Variants in ST3GAL3 observed in about 807,000 individuals in gnomAD.
The protein encoded by ST3GAL3 is CMP-N-acetylneuraminate-beta-1,4-galactoside alpha-2,3-sialyltransferase.
ST3GAL3 carries 21 observed loss-of-function variants against 50.1 expected under a neutral mutation model. That is an observed-to-expected ratio of 0.42 (90% CI 0.30 to 0.60). The LOEUF is 0.60. Among genes scored for constraint, ST3GAL3 ranks in the 20% least tolerant of loss-of-function variants. The pLI is 0.19. For missense variants in ST3GAL3, 353 were observed against 489.4 expected, an observed-to-expected ratio of 0.72 and a Z score of 2.63; for synonymous variants, 183 against 190.0, an observed-to-expected ratio of 0.96 and a Z score of 0.30.
Position 43,899,532 on chromosome 1 carries a change from T to C in ST3GAL3, c.558-9T>C, listed in dbSNP as rs1384826219. On this transcript the variant is annotated splice_polypyrimidine_tract_variant and intron_variant, in intron 8 of 11. Transcript: ENST00000347631. The surrounding 1 kb of genome is among the most constrained non-coding windows in gnomAD (Gnocchi z 5.4). ...AGGCCCAGGCTCTGAGTGGGCCTGC[T>C]CTCTGTAGACTGAATTCAGCACCAG... The C allele has an allele frequency of 6.2e-7, 1 of 1,611,728 alleles. No individual in the cohort carries two copies. The highest frequency in any genetic ancestry group is 2.2e-5 in the East Asian group (1 of 44,870).
intron 11 of ST3GAL3, 68 bp downstream of exon 11, chr1:43,920,996 A>C: frequency 6.5e-7 from 1 of 1,536,114 alleles, no homozygotes; most frequent in Non-Finnish European, 8.8e-7. Flanking sequence ...TGAGTAGTAA[A>C]GGGAGGAGCC....
chr1:43,752,503 TTTTG>T (rs1269999418), intron 2 of ST3GAL3, among the ~76,000 whole-genome samples: 1 of 152,158 alleles, frequency 6.6e-6, no homozygotes, highest in African/African-American at 2.4e-5. Context: ...CCTCACAATA[TTTTG>T]TTTGTTTGTT....
chr1:43,851,682 G>T, intron 5 of ST3GAL3: 2 of 1,330,346 alleles, frequency 1.5e-6, no homozygotes, highest in Non-Finnish European at 2.2e-6. Context: ...ATCTTGTCAT[G>T]TGAGGACCAC....
At chr1:43,802,626 G>A (rs1237428964) in intron 3 of ST3GAL3, among the ~76,000 whole-genome samples, 1 of 152,236 alleles carries the variant, frequency 6.6e-6, no homozygotes, top group Non-Finnish European at 1.5e-5. Context: ...TGGCTGGCCT[G>A]CCACTGACCA....
At chr1:43,711,414 T>C (rs143266893) in intron 1 of ST3GAL3, among the ~76,000 whole-genome samples, 159 of 152,360 alleles carry the variant, frequency 1.0e-3, no homozygotes, top group African/African-American at 3.7e-3. Flanking sequence ...GCAAGTCACA[T>C]AGCCATGCCT....
At chr1:43,760,833 G>T (rs1444310534) in intron 2 of ST3GAL3, among the ~76,000 whole-genome samples, 3 of 152,090 alleles carry the variant, frequency 2.0e-5, no homozygotes, top group African/African-American at 7.2e-5. Context: ...AACAGCTGAA[G>T]AAGGGATAAA....
chr1:43,917,491 T>C (rs1174869966), intron 9 of ST3GAL3, among the ~76,000 whole-genome samples: 1 of 40,790 alleles, frequency 2.5e-5, no homozygotes, highest in Non-Finnish European at 5.5e-5. Context: ...TAATATATAA[T>C]ATATATAATA....
chr1:43,852,156 C>T (rs1051257279), intron 5 of ST3GAL3, among the ~76,000 whole-genome samples: 4 of 152,126 alleles, frequency 2.6e-5, no homozygotes, highest in Non-Finnish European at 5.9e-5. Context: ...GGGAAGCCAG[C>T]CTGTTTGCTC....
At chr1:43,888,248 A>G (rs1465008777) in intron 5 of ST3GAL3, among the ~76,000 whole-genome samples, 3 of 152,150 alleles carry the variant, frequency 2.0e-5, no homozygotes, top group African/African-American at 7.2e-5. Context: ...AAAAGTATGG[A>G]TGAATTTCTC....
At chr1:43,810,632 G>C (rs1220527856) in intron 3 of ST3GAL3, among the ~76,000 whole-genome samples, 1 of 152,110 alleles carries the variant, frequency 6.6e-6, no homozygotes, top group South Asian at 2.1e-4. Context: ...TATCACATGG[G>C]AGTCATCATT....
intron 3 of ST3GAL3, among the ~76,000 whole-genome samples, chr1:43,794,581 A>T (rs892271202): frequency 1.3e-5 from 2 of 152,222 alleles, no homozygotes; most frequent in African/African-American, 4.8e-5. Flanking sequence ...GCAGAAATGG[A>T]TGCTTATACA....
chr1:43,920,674 T>G (rs1025711475), intron 10 of ST3GAL3, 108 bp from the exon 11 acceptor site: 1 of 1,609,110 alleles, frequency 6.2e-7, no homozygotes, highest in Admixed American at 1.7e-5. Context: ...GAGGGCTCAG[T>G]CCTTGGGCAT....
intron 5 of ST3GAL3, among the ~76,000 whole-genome samples, chr1:43,854,735 A>T: frequency 6.6e-6 from 1 of 152,222 alleles, no homozygotes; most frequent in East Asian, 1.9e-4. Context: ...CCGAATTTCC[A>T]ACAAATCTAA....
At chr1:43,909,401 A>G (rs1260162443) in intron 9 of ST3GAL3, among the ~76,000 whole-genome samples, 1 of 152,224 alleles carries the variant, frequency 6.6e-6, no homozygotes, top group Non-Finnish European at 1.5e-5. Flanking sequence ...TCTCCTTGAT[A>G]AAGAAATGAG....
intron 4 of ST3GAL3, chr1:43,819,020 C>T (rs570616458): frequency 6.6e-6 from 1 of 152,274 alleles, no homozygotes; most frequent in Middle Eastern, 3.4e-3. Context: ...TGAAAGCATC[C>T]ATATATAGTA....
chr1:43,723,271 G>A (rs910218536), intron 1 of ST3GAL3, among the ~76,000 whole-genome samples: 1 of 152,064 alleles, frequency 6.6e-6, no homozygotes, highest in Non-Finnish European at 1.5e-5. Context: ...ACCACACCCA[G>A]CTAAGTTTTG....
chr1:43,713,920 G>A (rs1007336887), intron 1 of ST3GAL3, among the ~76,000 whole-genome samples: 3 of 152,160 alleles, frequency 2.0e-5, no homozygotes, highest in African/African-American at 7.2e-5. Context: ...TAGGCTGGGA[G>A]TGTTAGGCAT....
chr1:43,865,556 A>C (rs745975086), intron 5 of ST3GAL3, among the ~76,000 whole-genome samples: 1 of 152,196 alleles, frequency 6.6e-6, no homozygotes, highest in South Asian at 2.1e-4. Context: ...GTAATACATA[A>C]TCCTTACCCC....
intron 5 of ST3GAL3, among the ~76,000 whole-genome samples, chr1:43,843,556 T>C (rs547722976): frequency 3.9e-5 from 6 of 152,350 alleles, no homozygotes; most frequent in African/African-American, 1.4e-4. Context: ...TGTAGTTTTC[T>C]TGTGATGTCT....
Sources: gnomAD v4.1 joint callset for allele counts (sites outside exome capture counted in the v4.1 genomes callset) on GRCh38, gnomAD v4.1.1 for gene constraint, Gnocchi (gnomAD v3.1) non-coding constraint, MANE v1.5 for transcripts, NCBI Gene and HGNC (gene_info 2026-07-23, HGNC 2026-07-21) for gene names.